The following CNNM2 variants were observed in gnomAD, a reference collection of about 807,000 sequenced individuals.
The protein encoded by CNNM2 is cyclin and CBS domain divalent metal cation transport mediator 2.
Under a neutral mutation model 66.9 loss-of-function variants are expected in CNNM2, and 12 were observed. The ratio of observed to expected loss-of-function variants is 0.18; its 90% confidence interval spans 0.11 to 0.29. CNNM2 has a LOEUF of 0.29. Among genes scored for constraint, CNNM2 ranks in the 10% least tolerant of loss-of-function variants. The pLI is 1.00. For missense variants in CNNM2, 705 were observed against 1,167.7 expected (o/e 0.60, Z 5.77); for synonymous variants, 557 against 501.8 (o/e 1.11, Z -1.47).
chr10:102,982,494 G>C (rs1240831469), intron 1 of CNNM2, among the ~76,000 whole-genome samples: 1 of 152,204 alleles, frequency 6.6e-6, no homozygotes, highest in East Asian at 1.9e-4. Flanking sequence ...ATTTGGCAGA[G>C]AAGAGGAAAA....
intron 1 of CNNM2, among the ~76,000 whole-genome samples, chr10:102,975,653 G>A (rs531460287): frequency 6.6e-6 from 1 of 152,156 alleles, no homozygotes; most frequent in African/African-American, 2.4e-5. Context: ...GTCTGTGTTG[G>A]CAGGACCTGT....
chr10:103,017,799 C>T (rs186898690), intron 1 of CNNM2, among the ~76,000 whole-genome samples: 185 of 151,992 alleles, frequency 1.2e-3, no homozygotes, highest in Admixed American at 3.5e-3. Flanking sequence ...AACCCTGTCT[C>T]TACTAAACAT....
At chr10:103,023,452 G>A (rs919982964) in intron 1 of CNNM2, among the ~76,000 whole-genome samples, 1 of 152,152 alleles carries the variant, frequency 6.6e-6, no homozygotes, top group African/African-American at 2.4e-5. Context: ...GGAGGCTGAG[G>A]CAGGAGAATC....
chr10:102,997,633 T>C (rs1453870346), intron 1 of CNNM2, among the ~76,000 whole-genome samples: 1 of 152,108 alleles, frequency 6.6e-6, no homozygotes, highest in African/African-American at 2.4e-5. Flanking sequence ...AAAATATTTA[T>C]AAAGTATAAT....
chr10:102,956,832 C>A (rs936976830), intron 1 of CNNM2, among the ~76,000 whole-genome samples: 1 of 151,744 alleles, frequency 6.6e-6, no homozygotes, highest in Admixed American at 6.6e-5. Context: ...TGGTGGGGGG[C>A]AGGGGGAGGG....
At chr10:103,022,138 A>G (rs1449257526) in intron 1 of CNNM2, among the ~76,000 whole-genome samples, 10 of 152,164 alleles carry the variant, frequency 6.6e-5, no homozygotes, top group Admixed American at 6.5e-4. Context: ...TGCAGTTTCT[A>G]CCGCGTCAGC....
At position 103,054,455 on chromosome 10, in the gene CNNM2, T is replaced by G. The variant is rs1428411726; in HGVS notation, c.1892T>G (p.Phe631Cys). The change falls in exon 3 of 8, where the codon TTC (phenylalanine) becomes TGC (cysteine). Residue 631 changes from phenylalanine to cysteine, a missense_variant. This residue lies in a region of CNNM2 where 171 missense variants were observed against 304.8 expected (regional missense o/e 0.56). Coordinates refer to ENST00000369878, the MANE Select transcript of CNNM2 (RefSeq NM_017649.5). This position sits in a 1 kb window ranked among gnomAD's most constrained non-coding sequence, Gnocchi z 5.2. ...CAGCTCCTCCTGGCCATGCACCGTT[T>G]CCTAGCAACAGGCAAGTGCAGCTTA... ...SPQLLLAMHR[F>C]LATEVEAFSP... The G allele has an allele frequency of 6.2e-7, 1 of 1,613,838 alleles. No homozygotes were observed. The highest frequency in any genetic ancestry group is 1.7e-5 in the Admixed American group (1 of 59,998).
chr10:103,039,978 C>G (rs1453905033), intron 1 of CNNM2, among the ~76,000 whole-genome samples: 11 of 152,068 alleles, frequency 7.2e-5, no homozygotes, highest in African/African-American at 2.4e-4. Context: ...ACCAGCCTGG[C>G]CAACATGGTG....
intron 1 of CNNM2, among the ~76,000 whole-genome samples, chr10:102,949,703 GT>G (rs1307520386): frequency 1.3e-5 from 2 of 152,058 alleles, no homozygotes; most frequent in African/African-American, 2.4e-5. Context: ...AATCTGGAAG[GT>G]GCTTGAATCT....
rs190565954 is a variant in CNNM2, at chr10:102,924,622, G to T, written c.1621+4521G>T. Among the ~76,000 whole-genome samples the T allele has an allele frequency of 2.2e-4, 31 of 143,334 alleles. No homozygotes were observed. The East Asian group carries it at 4.0e-3, about 19-fold the overall frequency. 94.0% of individuals were successfully genotyped at this position (143,334 alleles called of 152,430 possible). A position where few individuals can be genotyped will look rare whatever the true frequency, so the allele number is the denominator to read the frequency against. On this transcript the variant is annotated intron_variant, in intron 1 of 7. Coordinates refer to ENST00000369878, the MANE Select transcript of CNNM2 (RefSeq NM_017649.5). ...GTATTTGCCTTGAATCTAGGAAGTT[G>T]TTTTTTTTTTTTTAATTATTTTATA...
At chr10:103,057,343 C>G (rs1185210749) in intron 4 of CNNM2, among the ~76,000 whole-genome samples, 1 of 151,912 alleles carries the variant, frequency 6.6e-6, no homozygotes, top group African/African-American at 2.4e-5. Context: ...GTGGCATGCA[C>G]CTGTGGTCCC....
chr10:102,926,630 C>T (rs368875590), intron 1 of CNNM2, among the ~76,000 whole-genome samples: 2 of 152,022 alleles, frequency 1.3e-5, no homozygotes, highest in Non-Finnish European at 2.9e-5. Flanking sequence ...ACTGCAGCCT[C>T]GACCTCCCAG....
At position 102,947,707 on chromosome 10, in the gene CNNM2, C is replaced by T. The variant is rs117540200; in HGVS notation, c.1621+27606C>T. On this transcript the variant is annotated intron_variant, in intron 1 of 7. Transcript: ENST00000369878. ...TGGAGGTTGCAGTGAGCTGAGTTTG[C>T]GCCACTGCACTCCATCCAGCCTGGT... Among the ~76,000 whole-genome samples, 802 of 152,016 alleles carry T rather than the reference C, an allele frequency of 5.3e-3. 7 individuals carry two copies. Among genetic ancestry groups the T allele is most frequent in the Middle Eastern group, 0.031 (9 of 294 alleles).
chr10:102,992,279 T>A (rs1282528943), intron 1 of CNNM2, among the ~76,000 whole-genome samples: 1 of 145,536 alleles, frequency 6.9e-6, no homozygotes. Flanking sequence ...GTTCCTTTTT[T>A]TTTTTTTTTT....
intron 1 of CNNM2, among the ~76,000 whole-genome samples, chr10:102,963,645 T>C (rs2063417862): frequency 1.0e-5 from 1 of 100,426 alleles, no homozygotes; most frequent in Non-Finnish European, 2.4e-5. Context: ...TTTTTCTTTC[T>C]TTTTTTTTAT....
At chr10:103,039,853 G>T (rs1214773322) in intron 1 of CNNM2, among the ~76,000 whole-genome samples, 36 of 152,130 alleles carry the variant, frequency 2.4e-4, no homozygotes, top group Admixed American at 2.3e-3. Context: ...GCAGGGAAAA[G>T]ATCACAAACT....
chr10:102,996,573 C>T (rs991773614), intron 1 of CNNM2, among the ~76,000 whole-genome samples: 9 of 152,246 alleles, frequency 5.9e-5, no homozygotes, highest in African/African-American at 1.4e-4. Flanking sequence ...GGCATGGTGG[C>T]GCATGCCTGT....
intron 1 of CNNM2, among the ~76,000 whole-genome samples, chr10:102,997,258 G>C (rs2064020700): frequency 1.3e-5 from 2 of 152,102 alleles, no homozygotes; most frequent in Non-Finnish European, 2.9e-5. Context: ...ATAATGAGGA[G>C]GCCAGTTTTA....
intron 1 of CNNM2, among the ~76,000 whole-genome samples, chr10:103,020,011 A>T (rs1024138107): frequency 6.6e-6 from 1 of 152,210 alleles, no homozygotes; most frequent in Non-Finnish European, 1.5e-5. Flanking sequence ...GATTCTCTAC[A>T]ACGAACATGT....
Sources: gnomAD v4.1 joint callset for allele counts (sites outside exome capture counted in the v4.1 genomes callset) on GRCh38, gnomAD v4.1.1 for gene constraint, gnomAD v4.1.1 regional missense constraint, Gnocchi (gnomAD v3.1) non-coding constraint, MANE v1.5 for transcripts, NCBI Gene and HGNC (gene_info 2026-07-23, HGNC 2026-07-21) for gene names.